Variants in PARP8 observed in about 807,000 individuals in gnomAD.
PARP8 encodes poly(ADP-ribose) polymerase family member 8, also known as protein mono-ADP-ribosyltransferase PARP8.
A neutral mutation model predicts 124.1 loss-of-function variants in PARP8; 51 were observed. That is an observed-to-expected ratio of 0.41 (90% CI 0.33 to 0.52). The LOEUF is 0.52. Among genes scored for constraint, PARP8 ranks in the 20% least tolerant of loss-of-function variants. PARP8 has a pLI of 0.21. For synonymous variants in PARP8, 391 were observed against 361.5 expected, an observed-to-expected ratio of 1.08 and a Z score of -0.93; for missense variants, 860 against 1,018.9, an observed-to-expected ratio of 0.84 and a Z score of 2.12.
At chr5:50,779,508 G>A (rs1441334930) in intron 9 of PARP8, among the ~76,000 whole-genome samples, 3 of 152,196 alleles carry the variant, frequency 2.0e-5, no homozygotes, top group African/African-American at 7.2e-5. Flanking sequence ...TAGAGTGCCT[G>A]TCCGACACAT....
chr5:50,699,020 C>A (rs1753315968), intron 2 of PARP8, among the ~76,000 whole-genome samples: 2 of 152,156 alleles, frequency 1.3e-5, no homozygotes, highest in Non-Finnish European at 2.9e-5. Context: ...AGATAATTTT[C>A]CACATCCCTT....
chr5:50,739,892 G>A (rs1757869629), intron 2 of PARP8, among the ~76,000 whole-genome samples: 1 of 151,264 alleles, frequency 6.6e-6, no homozygotes, highest in Non-Finnish European at 1.5e-5. Flanking sequence ...GGGATTACAG[G>A]CACCCACCAC....
intron 2 of PARP8, among the ~76,000 whole-genome samples, chr5:50,695,573 T>G (rs1310828523): frequency 6.6e-6 from 1 of 152,234 alleles, no homozygotes; most frequent in Non-Finnish European, 1.5e-5. Context: ...TTTGTGGCTC[T>G]TTTAAAAAAT....
chr5:50,835,622 TAC>T (rs1747495391), intron 25 of PARP8, among the ~76,000 whole-genome samples: 1 of 152,214 alleles, frequency 6.6e-6, no homozygotes, highest in East Asian at 1.9e-4. Flanking sequence ...CATGTGTTTA[TAC>T]ACCTCCATAC....
At chr5:50,738,936 T>C in intron 2 of PARP8, 1 of 701,406 alleles carries the variant, frequency 1.4e-6, no homozygotes, top group Non-Finnish European at 2.6e-6. Flanking sequence ...GGGCTCTGCC[T>C]CTGTCTCTGA....
chr5:50,835,001 A>C lies in PARP8; in HGVS notation c.2448A>C (p.Thr816=). 6.2e-7 allele frequency: 1 copy of C among 1,613,008 alleles called. No individual in the cohort carries two copies. Among genetic ancestry groups the C allele is most frequent in the Non-Finnish European group, 8.5e-7 (1 of 1,179,380 alleles). Residue 816 remains threonine (T), a synonymous_variant, in exon 25 of 26, where the codon ACA becomes ACC. Coordinates refer to ENST00000281631, the MANE Select transcript of PARP8 (RefSeq NM_024615.4). ...WVVPNTDHVC[T]RFFFVYEDGQ... is the part of the protein sequence containing the mutation. ...TCCCCAATACTGACCATGTCTGCAC[A>C]CGATTCTTTTTCGTGTAAGTGGAAA...
At chr5:50,682,059 T>C (rs570543673) in intron 2 of PARP8, among the ~76,000 whole-genome samples, 208 of 152,314 alleles carry the variant, frequency 1.4e-3, no homozygotes, top group African/African-American at 4.9e-3. Flanking sequence ...TATTATTTCA[T>C]ATCCTTTGAC....
chr5:50,725,554 G>T (rs1169593555), intron 2 of PARP8, among the ~76,000 whole-genome samples: 1 of 152,122 alleles, frequency 6.6e-6, no homozygotes, highest in Non-Finnish European at 1.5e-5. Context: ...TTCGGTCAGG[G>T]TATCTGTGAA....
At chr5:50,776,052 G>A (rs1739979423) in intron 7 of PARP8, among the ~76,000 whole-genome samples, 1 of 152,096 alleles carries the variant, frequency 6.6e-6, no homozygotes, top group Admixed American at 6.5e-5. Flanking sequence ...GGCCTCTATT[G>A]TGTTATGTTC....
chr5:50,683,871 T>G (rs1751562814), intron 2 of PARP8, among the ~76,000 whole-genome samples: 1 of 152,170 alleles, frequency 6.6e-6, no homozygotes, highest in East Asian at 1.9e-4. Context: ...TAAGTAGAAA[T>G]TTTAAGAAAG....
At chr5:50,670,152 TTCAG>T (rs1212833001) in intron 2 of PARP8, among the ~76,000 whole-genome samples, 5 of 152,250 alleles carry the variant, frequency 3.3e-5, no homozygotes, top group Non-Finnish European at 5.9e-5. Flanking sequence ...ATCCTGACAT[TTCAG>T]TCAGACTCTT....
chr5:50,792,949 C>A (rs1315425380), intron 10 of PARP8, among the ~76,000 whole-genome samples: 1 of 152,052 alleles, frequency 6.6e-6, no homozygotes, highest in Admixed American at 6.6e-5. Flanking sequence ...TAGTAACTGG[C>A]GTTGTGCTAA....
At chr5:50,744,336 A>G (rs1309571823) in intron 2 of PARP8, among the ~76,000 whole-genome samples, 1 of 152,232 alleles carries the variant, frequency 6.6e-6, no homozygotes, top group Non-Finnish European at 1.5e-5. Flanking sequence ...TGGGAAGTGT[A>G]GATACAAGAA....
chr5:50,693,363 A>C (rs1280195897), intron 2 of PARP8, among the ~76,000 whole-genome samples: 1 of 152,166 alleles, frequency 6.6e-6, no homozygotes, highest in East Asian at 1.9e-4. Context: ...CTCTTAGGAA[A>C]TTAAACCTCT....
chr5:50,704,593 C>T (rs764305841), intron 2 of PARP8, among the ~76,000 whole-genome samples: 23 of 152,164 alleles, frequency 1.5e-4, no homozygotes, highest in African/African-American at 4.6e-4. Flanking sequence ...TGGATTGAGA[C>T]GTGCTGTAAG....
At chr5:50,670,428 T>A (rs1427072762) in intron 2 of PARP8, among the ~76,000 whole-genome samples, 2 of 152,266 alleles carry the variant, frequency 1.3e-5, no homozygotes, top group Non-Finnish European at 2.9e-5. Context: ...AGATACATGG[T>A]ATTTTAAAGA....
chr5:50,752,964 T>C (rs1364192491), intron 3 of PARP8, among the ~76,000 whole-genome samples: 1 of 152,108 alleles, frequency 6.6e-6, no homozygotes, highest in Non-Finnish European at 1.5e-5. Flanking sequence ...TTTCATACTT[T>C]TAGTGAAATG....
Position 50,666,815 on chromosome 5 carries a change from A to T in PARP8, c.-281A>T, listed in dbSNP as rs1749327765. The stretch of plus-strand genomic sequence containing the variant: ...GAAAGTGAGACTTGGTGTCATCACC[A>T]TCCATTGTCAGAAGGGGAGGAAATT... On this transcript the variant is annotated 5_prime_UTR_variant, in exon 1 of 26. Coordinates refer to ENST00000281631, the MANE Select transcript of PARP8 (RefSeq NM_024615.4). The T allele has an allele frequency of 3.3e-6, 4 of 1,217,350 alleles. No individual in the cohort carries two copies. The highest frequency in any genetic ancestry group is 3.6e-5 in the Admixed American group (1 of 27,550). 75.4% of individuals were successfully genotyped at this position (1,217,350 alleles called of 1,614,324 possible). A position where few individuals can be genotyped will look rare whatever the true frequency, so the allele number is the denominator to read the frequency against.
chr5:50,694,461 G>C (rs6862899), intron 2 of PARP8, among the ~76,000 whole-genome samples: 295 of 152,096 alleles, frequency 1.9e-3, no homozygotes, highest in African/African-American at 6.8e-3. Flanking sequence ...ATTTTCCTAG[G>C]TTTAATTAGC....
Sources: gnomAD v4.1 joint callset for allele counts (sites outside exome capture counted in the v4.1 genomes callset) on GRCh38, gnomAD v4.1.1 for gene constraint, MANE v1.5 for transcripts, NCBI Gene and HGNC (gene_info 2026-07-23, HGNC 2026-07-21) for gene names.